The following FANCI variants were observed in gnomAD, a reference collection of about 807,000 sequenced individuals.
The protein encoded by FANCI is FA complementation group I.
Under a neutral mutation model 176.1 loss-of-function variants are expected in FANCI, and 156 were observed. That is an observed-to-expected ratio of 0.89 (90% confidence interval 0.78 to 1.01). The LOEUF (loss-of-function observed/expected upper bound fraction) is 1.01. FANCI is among the 50% of genes least tolerant of loss of function. The pLI, the probability that FANCI is intolerant of heterozygous loss-of-function variation, is 0.00. For missense variants in FANCI, 1,678 were observed against 1,534.1 expected, an observed-to-expected ratio of 1.09 and a Z score of -1.57; for synonymous variants, 613 against 541.7, an observed-to-expected ratio of 1.13 and a Z score of -1.83.
At chr15:89,309,410 T>C (rs1332278840) in intron 34 of FANCI, among the ~76,000 whole-genome samples, 2 of 152,032 alleles carry the variant, frequency 1.3e-5, no homozygotes, top group Non-Finnish European at 2.9e-5. Context: ...GAGATGCTCA[T>C]ACCGTATATC....
chr15:89,277,771 TA>T (rs1043473737), intron 13 of FANCI, among the ~76,000 whole-genome samples: 3 of 152,136 alleles, frequency 2.0e-5, no homozygotes, highest in African/African-American at 7.2e-5. Context: ...TTCTCTTGAA[TA>T]AAAAAATGCT....
intron 32 of FANCI, among the ~76,000 whole-genome samples, chr15:89,306,399 A>G (rs1467687395): frequency 6.6e-6 from 1 of 151,160 alleles, no homozygotes; most frequent in Non-Finnish European, 1.5e-5. Flanking sequence ...TATAATTCTA[A>G]TCTGCTTTTG....
At chr15:89,296,706 TG>T in intron 24 of FANCI, among the ~76,000 whole-genome samples, 1 of 152,288 alleles carries the variant, frequency 6.6e-6, no homozygotes, top group South Asian at 2.1e-4. Flanking sequence ...AATGAGCTGT[TG>T]GGTACACCTC....
At chr15:89,263,338 GT>G in intron 6 of FANCI, 80 bp from the exon 7 acceptor site, 5 of 1,217,026 alleles carry the variant, frequency 4.1e-6, no homozygotes, top group Non-Finnish European at 3.6e-6. Context: ...AATTGGCCCT[GT>G]TTTTTTGTCC....
chr15:89,248,666 C>CTCAAATTGAAGGCGTGAACACTG (rs1175845913), intron 2 of FANCI, among the ~76,000 whole-genome samples: 8 of 152,038 alleles, frequency 5.3e-5, no homozygotes, highest in Non-Finnish European at 1.2e-4. Context: ...AGTTTCATGC[C>CTCAAATTGAAGGCGTGAACACTG]TCAAATTGAA....
At chr15:89,281,888 CT>C in intron 16 of FANCI, 53 bp downstream of exon 16, 3 of 1,501,206 alleles carry the variant, frequency 2.0e-6, no homozygotes, top group Non-Finnish European at 2.8e-6. Flanking sequence ...AATGTTGGAG[CT>C]AAAGTTATCT....
rs770915999 is a variant in FANCI, at chr15:89,278,676, G to A, written c.1294-11G>A. 6.2e-7 allele frequency: 1 copy of A among 1,606,826 alleles called. No individual in the cohort carries two copies. The highest frequency in any genetic ancestry group is 1.1e-5 in the South Asian group (1 of 90,948). ...CACCCAGGAATATTTTATTTATTCT[G>A]TTCTTTTTAGATCCATGAGATGATC... On this transcript the variant is annotated splice_polypyrimidine_tract_variant and intron_variant, in intron 13 of 37. Transcript: ENST00000310775.
chr15:89,293,240 A>G (rs955839268), intron 22 of FANCI, among the ~76,000 whole-genome samples, 177 bp downstream of exon 22: 1 of 152,200 alleles, frequency 6.6e-6, no homozygotes, highest in African/African-American at 2.4e-5. Context: ...GCTGAAGTAT[A>G]TGCTTACCAG....
chr15:89,271,657 C>T (rs1040254347), intron 10 of FANCI, among the ~76,000 whole-genome samples: 3 of 152,018 alleles, frequency 2.0e-5, no homozygotes, highest in Non-Finnish European at 4.4e-5. Context: ...CACCACCATG[C>T]CTGGCTAATT....
chr15:89,279,838 G>T (rs1430505724), intron 14 of FANCI, among the ~76,000 whole-genome samples: 2 of 151,942 alleles, frequency 1.3e-5, no homozygotes, highest in Non-Finnish European at 2.9e-5. Flanking sequence ...CTCACATCCA[G>T]TGTCTAATTC....
chr15:89,305,015 A>G, intron 28 of FANCI, 100 bp from the exon 29 acceptor site: 1 of 1,375,912 alleles, frequency 7.3e-7, no homozygotes, highest in South Asian at 1.2e-5. Flanking sequence ...ACCTCAGGTG[A>G]TCCACCCGCC....
Position 89,305,845 on chromosome 15 carries a change from A to C in FANCI, c.3349+147A>C, listed in dbSNP as rs1469852389. 4 of 1,095,570 alleles carry C rather than the reference A, an allele frequency of 3.7e-6. No individual in the cohort carries two copies. In the East Asian group the frequency reaches 1.0e-4, roughly 28 times the overall value. 67.9% of individuals were successfully genotyped at this position (1,095,570 alleles called of 1,614,324 possible). A position where few individuals can be genotyped will look rare whatever the true frequency, so the allele number is the denominator to read the frequency against. ...TTTCCTATGTGATGAAAGAAGTAGA[A>C]GATCATATGTCTTATCACAGCACGA... On this transcript the variant is annotated intron_variant, in intron 31 of 37. Coordinates refer to ENST00000310775, the MANE Select transcript of FANCI (RefSeq NM_001113378.2).
intron 34 of FANCI, 88 bp from the exon 35 acceptor site, chr15:89,312,816 T>TAAA (rs11321073): frequency 1.9e-3 from 1,664 of 863,364 alleles, no homozygotes; most frequent in Non-Finnish European, 2.5e-3. Context: ...AGCTCTGTCT[T>TAAA]AAAAAAAAAA....
chr15:89,307,965 C>T, intron 34 of FANCI: 3 of 1,292,802 alleles, frequency 2.3e-6, no homozygotes, highest in Non-Finnish European at 3.0e-6. Context: ...TCCTGGGTGA[C>T]TGAAAGTCCA....
At chr15:89,254,583 C>T (rs1273797905) in intron 2 of FANCI, among the ~76,000 whole-genome samples, 1 of 152,182 alleles carries the variant, frequency 6.6e-6, no homozygotes, top group East Asian at 1.9e-4. Context: ...GACGGAGGAT[C>T]ACTTGAGTCC....
intron 37 of FANCI, 103 bp downstream of exon 37, chr15:89,315,492 G>C: frequency 1.3e-6 from 1 of 797,146 alleles, no homozygotes; most frequent in Non-Finnish European, 2.2e-6. Context: ...GAATGGGAAA[G>C]GGCTAAAAGG....
At chr15:89,302,523 C>T (rs372624202) in intron 27 of FANCI, among the ~76,000 whole-genome samples, 2 of 152,058 alleles carry the variant, frequency 1.3e-5, no homozygotes, top group African/African-American at 4.8e-5. Flanking sequence ...GATTTTTAAA[C>T]GTTTTACCAC....
rs2053146690 is a variant in FANCI, at chr15:89,270,192, G to C, written c.882+1667G>C. Among the ~76,000 whole-genome samples, 3 of 152,258 alleles carry C rather than the reference G, an allele frequency of 2.0e-5. No homozygotes were observed. In the South Asian group the frequency reaches 6.2e-4, roughly 32 times the overall value. ...CATGGGTTGCACAAAAACAGGTAGT[G>C]GGTTGGATTTGGCCAACAGGCTGTA... On this transcript the variant is annotated intron_variant, in intron 10 of 37. Transcript: ENST00000310775.
At chr15:89,298,868 C>T (rs2054416937) in intron 24 of FANCI, among the ~76,000 whole-genome samples, 1 of 152,040 alleles carries the variant, frequency 6.6e-6, no homozygotes, top group Non-Finnish European at 1.5e-5. Context: ...AAAGCTCACT[C>T]AACAAAAAAT....
Sources: gnomAD v4.1 joint callset for allele counts (sites outside exome capture counted in the v4.1 genomes callset) on GRCh38, gnomAD v4.1.1 for gene constraint, MANE v1.5 for transcripts, NCBI Gene and HGNC (gene_info 2026-07-23, HGNC 2026-07-21) for gene names.